Variants in PPP2R2C observed in about 807,000 individuals in gnomAD.
The protein encoded by PPP2R2C is protein phosphatase 2 regulatory subunit Bgamma.
PPP2R2C carries 10 observed loss-of-function variants against 45.3 expected under a neutral mutation model. That is an observed-to-expected ratio of 0.22 (90% confidence interval 0.14 to 0.37). The LOEUF (loss-of-function observed/expected upper bound fraction) is 0.37, where lower values mean the gene tolerates loss of function less well. Ranked by LOEUF, PPP2R2C falls within the 10% of genes least tolerant of loss-of-function variation. PPP2R2C has a pLI of 1.00. For synonymous variants in PPP2R2C, 257 were observed against 245.4 expected (o/e 1.05, Z -0.44); for missense variants, 308 against 619.7 (o/e 0.50, Z 5.34).
At chr4:6,323,794 G>A (rs181357083) in intron 8 of PPP2R2C, among the ~76,000 whole-genome samples, 5 of 152,082 alleles carry the variant, frequency 3.3e-5, no homozygotes, top group Admixed American at 6.5e-5. Flanking sequence ...AAAAATGACC[G>A]TAGTCCCAGC....
intron 6 of PPP2R2C, among the ~76,000 whole-genome samples, chr4:6,342,531 G>A (rs748066561): frequency 6.6e-5 from 10 of 152,208 alleles, no homozygotes; most frequent in Non-Finnish European, 1.3e-4. Flanking sequence ...GGCCAGGCAC[G>A]TCGTTGGGGG....
chr4:6,354,819 AC>A (rs1712997648), intron 5 of PPP2R2C, among the ~76,000 whole-genome samples: 1 of 152,044 alleles, frequency 6.6e-6, no homozygotes, highest in Non-Finnish European at 1.5e-5. Flanking sequence ...TCCTCCGCCC[AC>A]AGCCCCCCAC....
At chr4:6,470,779 AGAGCCCCACCGGCCCGGAGGCCC>A (rs1252600836) in intron 1 of PPP2R2C, among the ~76,000 whole-genome samples, 1 of 151,852 alleles carries the variant, frequency 6.6e-6, no homozygotes, top group Non-Finnish European at 1.5e-5. Flanking sequence ...CGGCCGGGTC[AGAGCCCCACCGGCCCGGAGGCCC>A]GGGCAGCCCT....
chr4:6,496,665 C>A (rs2108790524), intron 2 of PPP2R2C, among the ~76,000 whole-genome samples: 1 of 152,180 alleles, frequency 6.6e-6, no homozygotes, highest in African/African-American at 2.4e-5. Flanking sequence ...AGTTCAAGAC[C>A]ACCCTGACCA....
At chr4:6,455,543 C>T (rs1391909197) in intron 1 of PPP2R2C, among the ~76,000 whole-genome samples, 1 of 152,186 alleles carries the variant, frequency 6.6e-6, no homozygotes, top group Non-Finnish European at 1.5e-5. Context: ...AAACCCTCTC[C>T]ACCCCACAAC....
chr4:6,338,446 A>T (rs1733170194), intron 6 of PPP2R2C, among the ~76,000 whole-genome samples: 2 of 152,176 alleles, frequency 1.3e-5, no homozygotes, highest in African/African-American at 4.8e-5. Flanking sequence ...GGGGAGCCCA[A>T]CCAAGGTGTG....
intron 6 of PPP2R2C, among the ~76,000 whole-genome samples, chr4:6,336,669 T>TCCCTCCC (rs1732904381): frequency 5.0e-4 from 1 of 1,994 alleles, no homozygotes; most frequent in Admixed American, 4.7e-3. Flanking sequence ...CCCTCCCTGC[T>TCCCTCCC]TCCATCCCTC....
intron 1 of PPP2R2C, among the ~76,000 whole-genome samples, chr4:6,451,683 T>TTGGGGATGGCCAGGGAGAG (rs1260632645): frequency 6.6e-6 from 1 of 152,086 alleles, no homozygotes; most frequent in African/African-American, 2.4e-5. Flanking sequence ...GTGTGGAGGT[T>TTGGGGATGGCCAGGGAGAG]TGGGGATGGC....
intron 1 of PPP2R2C, among the ~76,000 whole-genome samples, chr4:6,457,680 G>GT (rs544573595): frequency 1.2e-4 from 19 of 152,196 alleles, no homozygotes; most frequent in Non-Finnish European, 2.4e-4. Flanking sequence ...AACCGGGAAA[G>GT]TTTTTTTAAA....
chr4:6,392,594 G>C (rs1716726962), intron 1 of PPP2R2C, among the ~76,000 whole-genome samples: 1 of 152,212 alleles, frequency 6.6e-6, no homozygotes, highest in Non-Finnish European at 1.5e-5. Flanking sequence ...AGTTTGATCT[G>C]TTGCAGGCCA....
intron 1 of PPP2R2C, among the ~76,000 whole-genome samples, chr4:6,446,347 G>C (rs1182182163): frequency 6.6e-6 from 1 of 152,096 alleles, no homozygotes; most frequent in African/African-American, 2.4e-5. Flanking sequence ...TCCAGTCGTA[G>C]CTTCCCACCC....
chr4:6,559,430 C>CAG (rs1256745178), intron 1 of PPP2R2C, among the ~76,000 whole-genome samples: 9 of 144,968 alleles, frequency 6.2e-5, no homozygotes, highest in African/African-American at 2.3e-4. Context: ...CACACACACA[C>CAG]AGAACAGAGG....
chr4:6,332,484 C>T lies in PPP2R2C; in HGVS notation c.960+1078G>A, dbSNP rs553914874. On this transcript the variant is annotated intron_variant, in intron 7 of 8. Transcript: ENST00000382599. The surrounding 1 kb of genome is among the most constrained non-coding windows in gnomAD (Gnocchi z 4.9). The stretch of plus-strand genomic sequence containing the variant: ...TGGCTTCCAGGAGCGTGAGCTGTTC[C>T]TCTGGGGCCCAGGTCAGATCAGAGC... 6.6e-6 allele frequency among the ~76,000 whole-genome samples: 1 copy of T among 152,320 alleles called. No homozygotes were observed. Among genetic ancestry groups the T allele is most frequent in the African/African-American group, 2.4e-5 (1 of 41,572 alleles).
intron 2 of PPP2R2C, among the ~76,000 whole-genome samples, chr4:6,481,076 CTCTG>C (rs1281564282): frequency 6.6e-6 from 1 of 152,184 alleles, no homozygotes; most frequent in Non-Finnish European, 1.5e-5. Context: ...CAAACCTATC[CTCTG>C]TCTGTTTCTA....
intron 1 of PPP2R2C, among the ~76,000 whole-genome samples, chr4:6,404,912 C>A (rs963151881): frequency 1.3e-5 from 2 of 152,264 alleles, no homozygotes; most frequent in African/African-American, 4.8e-5. Context: ...TGTCCTTCCA[C>A]TGTGCCATCT....
At chr4:6,531,012 G>A (rs1273313783) in intron 2 of PPP2R2C, among the ~76,000 whole-genome samples, 3 of 152,198 alleles carry the variant, frequency 2.0e-5, no homozygotes, top group Admixed American at 6.5e-5. Flanking sequence ...TGGAGGGGAG[G>A]AGCCCGCTCT....
intron 5 of PPP2R2C, chr4:6,348,532 C>T (rs920179199): frequency 4.8e-5 from 29 of 606,836 alleles, no homozygotes; most frequent in Non-Finnish European, 6.0e-5. Context: ...GGCACCTGCT[C>T]CCCTTCTTCT....
At chr4:6,342,132 A>G (rs900803956) in intron 6 of PPP2R2C, among the ~76,000 whole-genome samples, 2 of 141,362 alleles carry the variant, frequency 1.4e-5, no homozygotes, top group Non-Finnish European at 3.0e-5. Context: ...ACACACATAC[A>G]TATATATACA....
chr4:6,538,802 C>A (rs1288397179), intron 1 of PPP2R2C, among the ~76,000 whole-genome samples: 1 of 152,216 alleles, frequency 6.6e-6, no homozygotes, highest in Non-Finnish European at 1.5e-5. Context: ...CTCCCCCGCA[C>A]CGTCATGAAA....
Sources: allele counts gnomAD v4.1 joint callset (sites outside exome capture counted in the v4.1 genomes callset), GRCh38; gene constraint gnomAD v4.1.1; non-coding constraint Gnocchi (gnomAD v3.1); transcripts MANE v1.5; gene names NCBI Gene and HGNC (gene_info 2026-07-23, HGNC 2026-07-21).